Variants in SPRED1 observed in about 807,000 individuals in gnomAD.
SPRED1 encodes the protein sprouty related EVH1 domain containing 1, also known as sprouty-related, EVH1 domain-containing protein 1.
SPRED1 carries 18 observed loss-of-function variants against 52.3 expected under a neutral mutation model. The ratio of observed to expected loss-of-function variants is 0.34; its 90% CI spans 0.24 to 0.51. The LOEUF (loss-of-function observed/expected upper bound fraction) is 0.51, where lower values mean the gene tolerates loss of function less well. Ranked by LOEUF, SPRED1 falls within the 20% of genes least tolerant of loss-of-function variation. SPRED1 has a pLI of 0.97. For missense variants in SPRED1, 485 were observed against 551.0 expected, an observed-to-expected ratio of 0.88 and a Z score of 1.20; for synonymous variants, 155 against 179.7, an observed-to-expected ratio of 0.86 and a Z score of 1.10.
intron 5 of SPRED1, among the ~76,000 whole-genome samples, chr15:38,341,336 A>G (rs1200058725): frequency 5.3e-5 from 8 of 151,446 alleles, no homozygotes; most frequent in Non-Finnish European, 5.9e-5. Flanking sequence ...TGCCTACACT[A>G]TTAGGTTTTA....
Position 38,351,001 on chromosome 15 carries a change from G to A in SPRED1, c.685-13G>A. 6.2e-7 allele frequency: 1 copy of A among 1,609,828 alleles called. No individual in the cohort carries two copies. Among genetic ancestry groups the A allele is most frequent in the Non-Finnish European group, 8.5e-7 (1 of 1,178,552 alleles). Reference sequence around the variant, plus strand: ...ATAGCCCTCATTGCAGTTTTTATCTGTTTCTTTTTTAGGTCCCTTTGAAAT... The same window carrying A: ...ATAGCCCTCATTGCAGTTTTTATCTATTTCTTTTTTAGGTCCCTTTGAAAT... On this transcript the variant is annotated splice_polypyrimidine_tract_variant and intron_variant, in intron 6 of 6. Coordinates refer to ENST00000299084, the MANE Select transcript of SPRED1 (RefSeq NM_152594.3).
At chr15:38,274,630 CTATT>C (rs1894510023) in intron 1 of SPRED1, among the ~76,000 whole-genome samples, 1 of 152,130 alleles carries the variant, frequency 6.6e-6, no homozygotes, top group African/African-American at 2.4e-5. Context: ...ATATTCGTAT[CTATT>C]GATATTATTG....
chr15:38,313,696 T>C (rs1331017700), intron 2 of SPRED1, among the ~76,000 whole-genome samples: 1 of 151,572 alleles, frequency 6.6e-6, no homozygotes, highest in Non-Finnish European at 1.5e-5. Flanking sequence ...GAAAAAGTAG[T>C]TCTTCCTTTC....
chr15:38,290,593 T>C (rs1266989216), intron 1 of SPRED1, among the ~76,000 whole-genome samples: 1 of 152,166 alleles, frequency 6.6e-6, no homozygotes, highest in African/African-American at 2.4e-5. Flanking sequence ...AGAGGTTTAA[T>C]TGGACTTATA....
In SPRED1 at chr15:38,356,114, C is replaced by T. The variant is rs946743809; in HGVS notation, c.*4450C>T. On this transcript the variant is annotated 3_prime_UTR_variant, in exon 7 of 7. Coordinates refer to ENST00000299084, the MANE Select transcript of SPRED1 (RefSeq NM_152594.3). ...GAAAAGTCTTTGTATTAAAAATACA[C>T]ATAGATTTTTGTGAACATTTCCAGT... 1.3e-5 allele frequency: 2 copies of T among 152,106 alleles called. No individual in the cohort carries two copies. The highest frequency in any genetic ancestry group is 4.8e-5 in the African/African-American group (2 of 41,438). 9.4% of individuals were successfully genotyped at this position (152,106 alleles called of 1,614,324 possible).
At position 38,351,255 on chromosome 15, in the gene SPRED1, T is replaced by C. The variant is rs114636635; in HGVS notation, c.926T>C (p.Val309Ala). 526 of 1,614,108 alleles carry C rather than the reference T, an allele frequency of 3.3e-4. 4 individuals are homozygous for C. The African/African-American group carries it at 6.3e-3, about 19-fold the overall frequency. The change falls in exon 7 of 7, where the codon GTG becomes GCG. Residue 309 changes from valine (V) to alanine (A), a missense_variant. Val to Ala is a moderately conservative substitution (Grantham distance 64, BLOSUM62 0). Around this residue, in one of 5 missense-constraint regions of SPRED1, gnomAD observed 205 missense variants for 245.2 expected, o/e 0.84. Transcript: ENST00000299084. ...ETKLSSPKDS[V>A]VFKTQPSSLK... ...AAGTTAAGTTCACCCAAAGACTCTG[T>C]GGTATTTAAGACGCAGCCTTCCTCA...
chr15:38,308,307 C>CA (rs1176001199), intron 2 of SPRED1, among the ~76,000 whole-genome samples: 1 of 152,168 alleles, frequency 6.6e-6, no homozygotes, highest in Non-Finnish European at 1.5e-5. Flanking sequence ...ACTATATTGT[C>CA]ATATCACAGC....
At chr15:38,310,515 T>C (rs1895345620) in intron 2 of SPRED1, among the ~76,000 whole-genome samples, 1 of 152,186 alleles carries the variant, frequency 6.6e-6, no homozygotes, top group Non-Finnish European at 1.5e-5. Context: ...ATAGGAATTG[T>C]ATTAAACCTG....
rs190223369 is a variant in SPRED1 at position 38,263,222 on chromosome 15, G to A, written c.32+10005G>A. On this transcript the variant is annotated intron_variant, in intron 1 of 6. Coordinates refer to ENST00000299084, the MANE Select transcript of SPRED1 (RefSeq NM_152594.3). The stretch of plus-strand genomic sequence containing the variant: ...GCCGCTGTAATGCTTTTAAATGAAG[G>A]TGGGAATAGAGATGAACCCGGTTTT... Among the ~76,000 whole-genome samples, 12 of 152,280 alleles carry A rather than the reference G, an allele frequency of 7.9e-5. No homozygotes were observed. The East Asian group carries it at 2.3e-3, about 29-fold the overall frequency.
intron 1 of SPRED1, among the ~76,000 whole-genome samples, chr15:38,269,736 C>A (rs1188075096): frequency 6.6e-6 from 1 of 152,114 alleles, no homozygotes; most frequent in Non-Finnish European, 1.5e-5. Context: ...TGGAAACATT[C>A]TGTTTGTGGT....
intron 2 of SPRED1, among the ~76,000 whole-genome samples, chr15:38,306,644 G>A (rs1895254230): frequency 6.6e-6 from 1 of 152,104 alleles, no homozygotes; most frequent in African/African-American, 2.4e-5. Flanking sequence ...AGCATACCTT[G>A]AAGAGGGGGA....
At chr15:38,268,940 CTTTTTTTT>C (rs66775738) in intron 1 of SPRED1, among the ~76,000 whole-genome samples, 1 of 121,866 alleles carries the variant, frequency 8.2e-6, no homozygotes, top group East Asian at 2.2e-4. Flanking sequence ...TAACTTTTTT[CTTTTTTTT>C]TTTTTTTTTT....
intron 4 of SPRED1, among the ~76,000 whole-genome samples, chr15:38,332,354 G>A (rs140330394): frequency 3.2e-4 from 49 of 152,218 alleles, no homozygotes; most frequent in African/African-American, 9.1e-4. Flanking sequence ...TGGAAAGACT[G>A]CTTGAGCCTA....
Position 38,300,713 on chromosome 15 carries a change from TAAGTA to T in SPRED1, c.207+1167_207+1171del, listed in dbSNP as rs1217966124. On this transcript the variant is annotated intron_variant, in intron 2 of 6. Coordinates refer to ENST00000299084, the MANE Select transcript of SPRED1 (RefSeq NM_152594.3). Reference sequence around the variant, plus strand: ...TAATGTGTCTCAGCCAAAATATGTTTAAGTAGAGAACCCCGATTGAAGTCAAAAGT... The same window carrying T: ...TAATGTGTCTCAGCCAAAATATGTTTGAGAACCCCGATTGAAGTCAAAAGT... 5.3e-5 allele frequency among the ~76,000 whole-genome samples: 8 copies of T among 152,306 alleles called. 1 individual carries two copies. The South Asian group carries it at 1.7e-3, about 32-fold the overall frequency.
rs571559350 is a variant in SPRED1 at position 38,316,199 on chromosome 15, A to G, written c.208-6042A>G. ...TCTTAACCTGGTGTAGTATAAGGAA[A>G]CCGTTTGTTTTCCCTCTCCCTTCAT... On this transcript the variant is annotated intron_variant, in intron 2 of 6. Coordinates refer to ENST00000299084, the MANE Select transcript of SPRED1 (RefSeq NM_152594.3). Among the ~76,000 whole-genome samples the G allele has an allele frequency of 1.2e-3, 183 of 152,058 alleles. 3 individuals are homozygous for G. In the South Asian group the frequency reaches 0.036, roughly 30 times the overall value.
At chr15:38,310,999 A>G (rs999486252) in intron 2 of SPRED1, among the ~76,000 whole-genome samples, 18 of 152,186 alleles carry the variant, frequency 1.2e-4, no homozygotes, top group African/African-American at 4.3e-4. Context: ...ATACAATGGT[A>G]GTAGAGTACA....
intron 1 of SPRED1, among the ~76,000 whole-genome samples, chr15:38,276,881 A>T (rs887895496): frequency 6.6e-6 from 1 of 152,130 alleles, no homozygotes; most frequent in Non-Finnish European, 1.5e-5. Context: ...TAACTTATGG[A>T]ACATTCTTCT....
intron 1 of SPRED1, among the ~76,000 whole-genome samples, chr15:38,265,182 G>A (rs897692612): frequency 6.6e-6 from 1 of 152,018 alleles, no homozygotes; most frequent in African/African-American, 2.4e-5. Flanking sequence ...TAAGACATTG[G>A]CAAATAACAT....
At chr15:38,271,774 A>C (rs1362938973) in intron 1 of SPRED1, among the ~76,000 whole-genome samples, 4 of 152,196 alleles carry the variant, frequency 2.6e-5, no homozygotes, top group African/African-American at 9.6e-5. Context: ...TTCTTATTTT[A>C]GATTTGGGGA....
Sources: gnomAD v4.1 joint callset for allele counts (sites outside exome capture counted in the v4.1 genomes callset) on GRCh38, gnomAD v4.1.1 for gene constraint, gnomAD v4.1.1 regional missense constraint, MANE v1.5 for transcripts, NCBI Gene and HGNC (gene_info 2026-07-23, HGNC 2026-07-21) for gene names.